The following DNAH11 variants were observed in gnomAD, a reference collection of about 807,000 sequenced individuals.
DNAH11 encodes the protein axonemal beta dynein heavy chain 11.
In DNAH11, 442 loss-of-function variants were observed where a neutral mutation model predicts 526.0. The observed-to-expected ratio is 0.84, with a 90% CI of 0.78 to 0.91. The LOEUF is 0.91. Among genes scored for constraint, DNAH11 ranks in the 40% least tolerant of loss-of-function variants. The pLI is 0.00. For synonymous variants in DNAH11, 2,461 were observed against 1,935.9 expected (o/e 1.27, Z -7.12); for missense variants, 6,989 against 5,448.7 (o/e 1.28, Z -8.90).
intron 76 of DNAH11, among the ~76,000 whole-genome samples, chr7:21,888,166 C>G (rs913041220): frequency 1.1e-4 from 17 of 152,126 alleles, no homozygotes; most frequent in African/African-American, 4.1e-4. Flanking sequence ...CACCAATGTA[C>G]CTTTTCATTC....
At chr7:21,621,597 A>G (rs1439323085) in intron 25 of DNAH11, among the ~76,000 whole-genome samples, 1 of 152,148 alleles carries the variant, frequency 6.6e-6, no homozygotes, top group Non-Finnish European at 1.5e-5. Flanking sequence ...AACTGAATCC[A>G]GCAGCACATC....
Position 21,617,616 on chromosome 7 carries a change from T to C in DNAH11, c.4096-3T>C, listed in dbSNP as rs775737503. The C allele has an allele frequency of 1.2e-6, 2 of 1,613,536 alleles. No individual in the cohort carries two copies. Among genetic ancestry groups the C allele is most frequent in the African/African-American group, 2.7e-5 (2 of 74,908 alleles). ...CTAGGTTTTTTCCTCCACTTTTCTT[T>C]AGGAAATTTGGTCACTCAACAAGGA... On this transcript the variant is annotated splice_region_variant and splice_polypyrimidine_tract_variant and intron_variant, in intron 22 of 81. Transcript: ENST00000409508.
chr7:21,659,826 C>A (rs986027728), intron 30 of DNAH11, among the ~76,000 whole-genome samples: 5 of 152,074 alleles, frequency 3.3e-5, no homozygotes, highest in African/African-American at 1.2e-4. Context: ...ACTTGAGAAT[C>A]AAATAGATTT....
At chr7:21,610,770 T>C (rs1327735031) in intron 20 of DNAH11, among the ~76,000 whole-genome samples, 1 of 152,042 alleles carries the variant, frequency 6.6e-6, no homozygotes, top group Admixed American at 6.6e-5. Flanking sequence ...GAAAGAGAAT[T>C]AGTGAAATAC....
intron 35 of DNAH11, among the ~76,000 whole-genome samples, chr7:21,693,152 T>C (rs1020598491): frequency 6.6e-6 from 1 of 152,238 alleles, no homozygotes; most frequent in African/African-American, 2.4e-5. Flanking sequence ...TTCAAGAAAA[T>C]TTGCTTAGCC....
chr7:21,837,172 A>T (rs2128012582), intron 65 of DNAH11, among the ~76,000 whole-genome samples: 1 of 152,298 alleles, frequency 6.6e-6, no homozygotes. Context: ...GCCATTATGG[A>T]AAAGAGTGTA....
chr7:21,890,327 A>C (rs1176109775), intron 76 of DNAH11, among the ~76,000 whole-genome samples: 2 of 152,182 alleles, frequency 1.3e-5, no homozygotes, highest in Non-Finnish European at 2.9e-5. Context: ...TCACATGTCT[A>C]TAAAGACTGA....
chr7:21,705,442 C>G lies in DNAH11; in HGVS notation c.6469-18C>G. On this transcript the variant is annotated intron_variant, in intron 38 of 81. Coordinates refer to ENST00000409508, the MANE Select transcript of DNAH11 (RefSeq NM_001277115.2). ...CAACTCCTTAAAGGAAACCAGCAACCAGCTGTTTGCTCTGCAGGTTGTCCA... is the reference window on the plus strand; with the variant it reads ...CAACTCCTTAAAGGAAACCAGCAACGAGCTGTTTGCTCTGCAGGTTGTCCA... The G allele has an allele frequency of 6.2e-7, 1 of 1,613,038 alleles. No homozygotes were observed. Among genetic ancestry groups the G allele is most frequent in the Non-Finnish European group, 8.5e-7 (1 of 1,179,452 alleles).
intron 28 of DNAH11, among the ~76,000 whole-genome samples, chr7:21,642,981 G>T (rs1039790711): frequency 6.6e-6 from 1 of 152,112 alleles, no homozygotes; most frequent in African/African-American, 2.4e-5. Flanking sequence ...TCAAAATTTA[G>T]CCTGACCTCC....
Position 21,588,567 on chromosome 7 carries a change from T to G in DNAH11, c.1904T>G (p.Met635Arg). 1 of 1,613,678 alleles carries G rather than the reference T, an allele frequency of 6.2e-7. No homozygotes were observed. Among genetic ancestry groups the G allele is most frequent in the South Asian group, 1.1e-5 (1 of 91,078 alleles). The change falls in exon 11 of 82, where the codon ATG (methionine) becomes AGG (arginine). Residue 635 changes from methionine (M) to arginine (R), a missense_variant. Transcript: ENST00000409508. ...AACATGCCATTTACCTCAGGAAATA[T>G]GAAATGGGCCCAGCAGGTTCTCCAA... The part of the protein sequence containing the change: ...NKNMPFTSGN[M>R]KWAQQVLQRL...
chr7:21,793,242 T>C (rs1187230176), intron 61 of DNAH11, among the ~76,000 whole-genome samples: 1 of 152,206 alleles, frequency 6.6e-6, no homozygotes, highest in African/African-American at 2.4e-5. Context: ...TTGATATGAT[T>C]TTTACTTTTT....
chr7:21,860,777 A>G (rs1295430844), intron 68 of DNAH11, among the ~76,000 whole-genome samples: 1 of 152,196 alleles, frequency 6.6e-6, no homozygotes, highest in Non-Finnish European at 1.5e-5. Context: ...TGGGTGATTT[A>G]TAAAGAAAAA....
chr7:21,727,155 G>C lies in DNAH11; in HGVS notation c.7440+1171G>C, dbSNP rs562648667. ...TCACCGTGTTAGCCAGGATGATCTC[G>C]ATCTCCTGACCTCGTGATCCGCCCA... On this transcript the variant is annotated intron_variant, in intron 45 of 81. Coordinates refer to ENST00000409508, the MANE Select transcript of DNAH11 (RefSeq NM_001277115.2). Among the ~76,000 whole-genome samples, 400 of 151,678 alleles carry C rather than the reference G, an allele frequency of 2.6e-3. 6 individuals are homozygous for C. The highest frequency in any genetic ancestry group is 3.0e-3 in the Non-Finnish European group (202 of 67,932).
intron 36 of DNAH11, 150 bp downstream of exon 36, chr7:21,698,363 G>GT: frequency 1.8e-6 from 2 of 1,125,378 alleles, no homozygotes; most frequent in East Asian, 2.6e-5. Context: ...GGGAACAGGT[G>GT]TTTTTTGGTT....
chr7:21,668,122 AT>A (rs1233050649), intron 30 of DNAH11, among the ~76,000 whole-genome samples: 6 of 152,152 alleles, frequency 3.9e-5, no homozygotes, highest in African/African-American at 1.4e-4. Context: ...CTTTCAGCAA[AT>A]CTCCTAAGTT....
At chr7:21,856,688 C>T (rs779880995) in intron 68 of DNAH11, among the ~76,000 whole-genome samples, 26 of 151,838 alleles carry the variant, frequency 1.7e-4, no homozygotes, top group Non-Finnish European at 2.6e-4. Context: ...TCAAAAATCA[C>T]GAAGTGTAAT....
chr7:21,711,065 A>G (rs879593552), intron 41 of DNAH11, among the ~76,000 whole-genome samples: 1 of 152,178 alleles, frequency 6.6e-6, no homozygotes, highest in Non-Finnish European at 1.5e-5. Flanking sequence ...GTGCCATATG[A>G]TGATTGAAAT....
chr7:21,842,671 G>A lies in DNAH11; in HGVS notation c.10819G>A (p.Val3607Ile). The change falls in exon 66 of 82, where the codon GTC (valine) becomes ATC (isoleucine). Residue 3607 changes from valine (V) to isoleucine (I), a missense_variant. Physicochemically the swap from Val to Ile is conservative, Grantham distance 29 (BLOSUM62 3). Transcript: ENST00000409508. ...TCAGACAACTCTCCTCAATTTCACA[G>A]TCACAGAAGATGGTCTAGAAGCCCA... ...QAQTTLLNFT[V>I]TEDGLEAQLL... The A allele has an allele frequency of 6.2e-7, 1 of 1,613,852 alleles. No individual in the cohort carries two copies. The highest frequency in any genetic ancestry group is 8.5e-7 in the Non-Finnish European group (1 of 1,179,824).
At chr7:21,702,869 T>C (rs1784122720) in intron 37 of DNAH11, 67 bp downstream of exon 37, 2 of 1,377,008 alleles carry the variant, frequency 1.5e-6, no homozygotes, top group African/African-American at 2.9e-5. Context: ...TGAAAGTATA[T>C]GCCTGGATGG....
Sources: gnomAD v4.1 joint callset for allele counts (sites outside exome capture counted in the v4.1 genomes callset) on GRCh38, gnomAD v4.1.1 for gene constraint, MANE v1.5 for transcripts, NCBI Gene and HGNC (gene_info 2026-07-23, HGNC 2026-07-21) for gene names.